Variants in REPS1 observed in about 807,000 individuals in gnomAD.
REPS1 encodes the protein RALBP1 associated Eps domain containing 1.
In REPS1, 39 loss-of-function variants were observed where a neutral mutation model predicts 100.9. The ratio of observed to expected loss-of-function variants is 0.39; its 90% CI spans 0.30 to 0.50. The LOEUF (loss-of-function observed/expected upper bound fraction) is 0.50, where lower values mean the gene tolerates loss of function less well. Ranked by LOEUF, REPS1 falls within the 20% of genes least tolerant of loss-of-function variation. The pLI is 0.86. For synonymous variants in REPS1, 324 were observed against 340.3 expected (o/e 0.95, Z 0.53); for missense variants, 821 against 968.5 (o/e 0.85, Z 2.02).
rs781304141 is a variant in REPS1 at position 138,943,560 on chromosome 6, C to T, written c.933G>A (p.Glu311=). The stretch of plus-strand genomic sequence containing the variant: ...TAGGAAGTTTTGATTTTGTAAAAAA[C>T]TCTTTAGCTGCAGATCCTGAAATAT... ...NGFIPGSAAK[E]FFTKSKLPIL... is the part of the protein sequence containing the mutation. Residue 311 remains glutamate, a synonymous_variant, in exon 7 of 20, where the codon GAG becomes GAA. Transcript: ENST00000450536. 6.3e-7 allele frequency: 1 copy of T among 1,588,836 alleles called. No homozygotes were observed. The highest frequency in any genetic ancestry group is 8.6e-7 in the Non-Finnish European group (1 of 1,158,450).
intron 1 of REPS1, among the ~76,000 whole-genome samples, chr6:138,963,808 A>G (rs1171893433): frequency 1.3e-5 from 2 of 152,108 alleles, no homozygotes; most frequent in African/African-American, 2.4e-5. Context: ...AATCTCTAAT[A>G]TTTTCTTTCC....
intron 1 of REPS1, among the ~76,000 whole-genome samples, chr6:138,961,976 C>G (rs1783767829): frequency 6.6e-6 from 1 of 152,222 alleles, no homozygotes; most frequent in Non-Finnish European, 1.5e-5. Flanking sequence ...TTGAAGAATA[C>G]TTGCCTAATG....
Position 138,904,514 on chromosome 6 carries a change from T to A in REPS1, c.*550A>T, listed in dbSNP as rs1253082389. ...CTCACATGTTTGTATTTGTCACAAG[T>A]TGACATGTAAAAGAGGCTTCAATGT... On this transcript the variant is annotated 3_prime_UTR_variant, in exon 20 of 20. Transcript: ENST00000450536. 4 of 152,260 alleles carry A rather than the reference T, an allele frequency of 2.6e-5. No individual in the cohort carries two copies. Among genetic ancestry groups the A allele is most frequent in the Non-Finnish European group, 5.9e-5 (4 of 68,036 alleles). 9.4% of individuals were successfully genotyped at this position (152,260 alleles called of 1,614,324 possible).
intron 1 of REPS1, among the ~76,000 whole-genome samples, chr6:138,965,502 G>C (rs906766638): frequency 5.3e-5 from 8 of 152,048 alleles, no homozygotes; most frequent in Non-Finnish European, 1.2e-4. Context: ...AATACGATAG[G>C]GTATGGAGAT....
At position 138,988,196 on chromosome 6, in the gene REPS1, CTCCGCCGCCA is replaced by C. The variant is rs1785392695; in HGVS notation, c.-524_-515del. On this transcript the variant is annotated 5_prime_UTR_variant, in exon 1 of 20. It removes an upstream start codon present in the reference 5' UTR. Transcript: ENST00000450536. ...TGAGCGTGGCCGCCGCTCCGCCTCC[CTCCGCCGCCA>C]TTTACAGTGCCCCGGCCCGGCCCCG... is the stretch of plus-strand genomic sequence containing the variant. The C allele has an allele frequency of 2.5e-6, 1 of 398,580 alleles. No homozygotes were observed. The highest frequency in any genetic ancestry group is 2.1e-5 in the African/African-American group (1 of 48,600). The allele number at this position is 398,580 out of a possible 1,614,324, so 24.7% of individuals were successfully genotyped here.
At chr6:138,919,886 G>C (rs1780640193) in intron 12 of REPS1, among the ~76,000 whole-genome samples, 1 of 152,120 alleles carries the variant, frequency 6.6e-6, no homozygotes, top group African/African-American at 2.4e-5. Context: ...CCAGTGCCTA[G>C]AACAGATCCT....
rs761244059 is a variant in REPS1 at position 138,903,861 on chromosome 6, T to C, written c.*1203A>G. ...GGAAGCTTGAGGTTGTCAGTTTCCCTTGTTCTTCAAATTCTTGTTTACAGT... is the reference window on the plus strand; with the variant it reads ...GGAAGCTTGAGGTTGTCAGTTTCCCCTGTTCTTCAAATTCTTGTTTACAGT... On this transcript the variant is annotated 3_prime_UTR_variant, in exon 20 of 20. Coordinates refer to ENST00000450536, the MANE Select transcript of REPS1 (RefSeq NM_001286611.2). 7.9e-5 allele frequency: 12 copies of C among 152,222 alleles called. No individual in the cohort carries two copies. The highest frequency in any genetic ancestry group is 1.8e-4 in the Non-Finnish European group (12 of 68,024). The allele number at this position is 152,222 out of a possible 1,614,324, so 9.4% of individuals were successfully genotyped here. A position where few individuals can be genotyped will look rare whatever the true frequency, so the allele number is the denominator to read the frequency against.
intron 1 of REPS1, among the ~76,000 whole-genome samples, chr6:138,970,012 T>C (rs758451038): frequency 5.3e-5 from 8 of 152,058 alleles, no homozygotes; most frequent in African/African-American, 9.7e-5. Context: ...GGTGGTACAC[T>C]GAAGCTAGAT....
rs1373150306 is a variant in REPS1, at chr6:138,912,810, G to A, written c.1926C>T (p.Asn642=). ...QFEVFAASNV[N]DEQDDEAEKH... is the part of the protein sequence containing the mutation. Reference sequence around the variant, plus strand: ...TCTCGGCTTCATCATCTTGTTCGTCGTTTACATTTGATGCAGCAAATACTT... The same window carrying A: ...TCTCGGCTTCATCATCTTGTTCGTCATTTACATTTGATGCAGCAAATACTT... The change falls in exon 16 of 20, where the codon AAC becomes AAT. Residue 642 remains asparagine, a synonymous_variant. Transcript: ENST00000450536. 5 of 1,613,992 alleles carry A rather than the reference G, an allele frequency of 3.1e-6. No individual in the cohort carries two copies. The highest frequency in any genetic ancestry group is 2.2e-5 in the East Asian group (1 of 44,888).
rs1202782592 is a variant in REPS1, at chr6:138,934,125, C to G, written c.1136-4027G>C. The G allele has an allele frequency of 1.6e-5, 4 of 252,450 alleles. No individual in the cohort carries two copies. In the East Asian group the frequency reaches 3.7e-4, roughly 23 times the overall value. The allele number at this position is 252,450 out of a possible 1,614,324, so 15.6% of individuals were successfully genotyped here. A position where few individuals can be genotyped will look rare whatever the true frequency, so the allele number is the denominator to read the frequency against. On this transcript the variant is annotated intron_variant, in intron 8 of 19. Coordinates refer to ENST00000450536, the MANE Select transcript of REPS1 (RefSeq NM_001286611.2). ...ATAAACTGTACCTCCTTCAACTTTG[C>G]TCCAAATAAGTACTCCAACAAAGAG...
intron 1 of REPS1, among the ~76,000 whole-genome samples, chr6:138,981,162 C>T (rs539499207): frequency 1.3e-4 from 20 of 152,282 alleles, no homozygotes; most frequent in Non-Finnish European, 2.1e-4. Context: ...AGAATCTCAA[C>T]GGAATCAACA....
At chr6:138,980,140 T>C (rs542929548) in intron 1 of REPS1, among the ~76,000 whole-genome samples, 33 of 152,276 alleles carry the variant, frequency 2.2e-4, no homozygotes, top group African/African-American at 7.7e-4. Context: ...TCCAACCCTA[T>C]TTATGCCTTC....
At chr6:138,952,004 T>G (rs554171301) in intron 1 of REPS1, among the ~76,000 whole-genome samples, 1 of 152,292 alleles carries the variant, frequency 6.6e-6, no homozygotes, top group African/African-American at 2.4e-5. Flanking sequence ...ACTGCTCCCA[T>G]TAGATTTCTA....
chr6:138,979,204 A>AAAAAAAAAAAAAAC, intron 1 of REPS1, among the ~76,000 whole-genome samples: 1 of 150,444 alleles, frequency 6.6e-6, no homozygotes, highest in Non-Finnish European at 1.5e-5. Context: ...AAAACAAAAA[A>AAAAAAAAAAAAAAC]AAAAAACTGA....
At chr6:138,929,830 T>G in intron 9 of REPS1, 147 bp downstream of exon 9, 1 of 743,114 alleles carries the variant, frequency 1.3e-6, no homozygotes. Flanking sequence ...AAAAGTCACA[T>G]AATTACAAAC....
At chr6:138,942,230 T>C (rs534022755) in intron 7 of REPS1, among the ~76,000 whole-genome samples, 108 of 152,360 alleles carry the variant, frequency 7.1e-4, no homozygotes, top group African/African-American at 2.5e-3. Flanking sequence ...CTATGCCCTT[T>C]CCTAGATACA....
intron 1 of REPS1, among the ~76,000 whole-genome samples, chr6:138,961,805 T>C (rs1027698808): frequency 3.3e-5 from 5 of 152,242 alleles, no homozygotes; most frequent in Admixed American, 6.5e-5. Flanking sequence ...ATCCCATCAC[T>C]GTGTACTACA....
rs1201742885 is a variant in REPS1 at position 138,987,753 on chromosome 6, G to T, written c.-71C>A. Reference sequence around the variant, plus strand: ...GGGCCCGGCCCCAGGAACCTGGGCCGGCAGGGGCTGCGCGTGGCCCGGCCT... The same window carrying T: ...GGGCCCGGCCCCAGGAACCTGGGCCTGCAGGGGCTGCGCGTGGCCCGGCCT... On this transcript the variant is annotated 5_prime_UTR_variant, in exon 1 of 20. Coordinates refer to ENST00000450536, the MANE Select transcript of REPS1 (RefSeq NM_001286611.2). The T allele has an allele frequency of 1.4e-6, 2 of 1,423,272 alleles. No homozygotes were observed. Among genetic ancestry groups the T allele is most frequent in the Non-Finnish European group, 1.8e-6 (2 of 1,086,766 alleles). 88.2% of individuals were successfully genotyped at this position (1,423,272 alleles called of 1,614,324 possible).
chr6:138,956,930 C>G (rs962474078), intron 1 of REPS1, among the ~76,000 whole-genome samples: 7 of 151,556 alleles, frequency 4.6e-5, no homozygotes, highest in African/African-American at 1.5e-4. Context: ...AAAGAACCAT[C>G]AGAGAACAAG....
Sources: gnomAD v4.1 joint callset for allele counts (sites outside exome capture counted in the v4.1 genomes callset) on GRCh38, gnomAD v4.1.1 for gene constraint, MANE v1.5 for transcripts, NCBI Gene and HGNC (gene_info 2026-07-23, HGNC 2026-07-21) for gene names.